The following IMPG2 variants were observed in gnomAD, a reference collection of about 807,000 sequenced individuals.
The protein encoded by IMPG2 is IPM 200.
IMPG2 carries 91 observed loss-of-function variants against 129.2 expected under a neutral mutation model. That is an observed-to-expected ratio of 0.70 (90% CI 0.59 to 0.84). The LOEUF (loss-of-function observed/expected upper bound fraction) is 0.84. Ranked by LOEUF, IMPG2 falls within the 40% of genes least tolerant of loss-of-function variation. The pLI is 0.00. For missense variants in IMPG2, 1,430 were observed against 1,461.7 expected, an observed-to-expected ratio of 0.98 and a Z score of 0.35; for synonymous variants, 510 against 517.7, an observed-to-expected ratio of 0.99 and a Z score of 0.20.
chr3:101,226,834 T>G lies in IMPG2; in HGVS notation c.*135A>C, dbSNP rs1202320752. On this transcript the variant is annotated 3_prime_UTR_variant, in exon 19 of 19. Transcript: ENST00000193391. Reference sequence around the variant, plus strand: ...AACTTAAGCTGAAAAAAAAACAGTGTGCCCTATATTTAATTTTTTCATAGA... The same window carrying G: ...AACTTAAGCTGAAAAAAAAACAGTGGGCCCTATATTTAATTTTTTCATAGA... 1.7e-5 allele frequency: 14 copies of G among 840,084 alleles called. No homozygotes were observed. Among genetic ancestry groups the G allele is most frequent in the Non-Finnish European group, 2.7e-5 (14 of 515,988 alleles). 52.0% of individuals were successfully genotyped at this position (840,084 alleles called of 1,614,324 possible). A position where few individuals can be genotyped will look rare whatever the true frequency, so the allele number is the denominator to read the frequency against.
intron 10 of IMPG2, among the ~76,000 whole-genome samples, chr3:101,257,018 C>G (rs566720362): frequency 5.3e-4 from 80 of 152,154 alleles, no homozygotes; most frequent in Middle Eastern, 3.4e-3. Context: ...TGGATCATAA[C>G]AGGATCTCCA....
chr3:101,263,661 A>G (rs575081748), intron 9 of IMPG2, among the ~76,000 whole-genome samples: 1 of 151,966 alleles, frequency 6.6e-6, no homozygotes, highest in Non-Finnish European at 1.5e-5. Flanking sequence ...AGCAAAAACA[A>G]ACCAAACCAA....
intron 11 of IMPG2, among the ~76,000 whole-genome samples, chr3:101,248,408 T>C (rs1288052832): frequency 1.3e-5 from 2 of 152,190 alleles, no homozygotes; most frequent in African/African-American, 4.8e-5. Flanking sequence ...ACCTCTTTCT[T>C]TTGTAAATTG....
intron 10 of IMPG2, among the ~76,000 whole-genome samples, chr3:101,256,843 A>C (rs1706616046): frequency 6.6e-6 from 1 of 152,128 alleles, no homozygotes; most frequent in Admixed American, 6.6e-5. Flanking sequence ...GCAAAGTAGC[A>C]AGTGAGTTAG....
intron 7 of IMPG2, among the ~76,000 whole-genome samples, chr3:101,270,722 C>T (rs1304103962): frequency 6.6e-6 from 1 of 152,028 alleles, no homozygotes; most frequent in Non-Finnish European, 1.5e-5. Context: ...ATGGCGTGAA[C>T]CCGGGAGGCG....
intron 4 of IMPG2, among the ~76,000 whole-genome samples, chr3:101,279,468 G>T (rs1255418638): frequency 6.6e-6 from 1 of 152,160 alleles, no homozygotes; most frequent in African/African-American, 2.4e-5. Context: ...CTTTAGAAGG[G>T]TTTCACTTGG....
At chr3:101,300,326 G>T (rs1707126699) in intron 3 of IMPG2, among the ~76,000 whole-genome samples, 1 of 152,236 alleles carries the variant, frequency 6.6e-6, no homozygotes, top group Admixed American at 6.5e-5. Flanking sequence ...AGCTTAGTGT[G>T]TTAGGCAGCT....
chr3:101,319,454 C>G lies in IMPG2; in HGVS notation c.334+130G>C, dbSNP rs922374890. The G allele has an allele frequency of 3.7e-6, 4 of 1,072,382 alleles. No homozygotes were observed. In the African/African-American group the frequency reaches 4.7e-5, roughly 13 times the overall value. The allele number at this position is 1,072,382 out of a possible 1,614,324, so 66.4% of individuals were successfully genotyped here. On this transcript the variant is annotated intron_variant, in intron 2 of 18. Coordinates refer to ENST00000193391, the MANE Select transcript of IMPG2 (RefSeq NM_016247.4). ...GTTACCATTAACACTATATTCTTAG[C>G]AGTAGAAAGGTAGTTTTGGCTCAGT...
intron 7 of IMPG2, among the ~76,000 whole-genome samples, chr3:101,271,412 G>C (rs1706782054): frequency 6.6e-6 from 1 of 152,176 alleles, no homozygotes; most frequent in African/African-American, 2.4e-5. Context: ...GTTGCATGAA[G>C]TCATTCGACT....
At chr3:101,269,788 T>A (rs1706760480) in intron 7 of IMPG2, among the ~76,000 whole-genome samples, 1 of 152,066 alleles carries the variant, frequency 6.6e-6, no homozygotes. Flanking sequence ...AAGGTTTCAA[T>A]GTGCTTTAAT....
intron 9 of IMPG2, among the ~76,000 whole-genome samples, chr3:101,263,957 C>T (rs1483024023): frequency 6.6e-6 from 1 of 150,986 alleles, no homozygotes; most frequent in Non-Finnish European, 1.5e-5. Flanking sequence ...TTAGAGACTA[C>T]TATGAATAAC....
intron 4 of IMPG2, among the ~76,000 whole-genome samples, chr3:101,280,255 T>G (rs1326219448): frequency 6.6e-6 from 1 of 152,210 alleles, no homozygotes; most frequent in Non-Finnish European, 1.5e-5. Flanking sequence ...TTAAAGACAT[T>G]GTAAAACAAG....
At chr3:101,305,039 T>C (rs1263746107) in intron 2 of IMPG2, among the ~76,000 whole-genome samples, 1 of 152,134 alleles carries the variant, frequency 6.6e-6, no homozygotes, top group Non-Finnish European at 1.5e-5. Flanking sequence ...CACAAAAACC[T>C]GCATACGGGT....
At chr3:101,306,293 C>CA (rs1038254170) in intron 2 of IMPG2, among the ~76,000 whole-genome samples, 12 of 151,968 alleles carry the variant, frequency 7.9e-5, no homozygotes, top group Non-Finnish European at 1.2e-4. Context: ...TAGTCTAAGC[C>CA]AAAAAAATTC....
At chr3:101,236,992 C>T (rs1210099058) in intron 14 of IMPG2, among the ~76,000 whole-genome samples, 2 of 152,162 alleles carry the variant, frequency 1.3e-5, no homozygotes, top group Non-Finnish European at 2.9e-5. Flanking sequence ...GCCAGCACAG[C>T]AGCCTGAAGT....
intron 3 of IMPG2, among the ~76,000 whole-genome samples, chr3:101,295,497 G>A (rs1707070147): frequency 6.6e-6 from 1 of 152,166 alleles, no homozygotes; most frequent in Admixed American, 6.5e-5. Context: ...AGTCTAGTTT[G>A]AAGTCAGGTA....
At chr3:101,311,499 A>C (rs573580341) in intron 2 of IMPG2, among the ~76,000 whole-genome samples, 32 of 152,198 alleles carry the variant, frequency 2.1e-4, no homozygotes, top group Non-Finnish European at 4.3e-4. Context: ...AATGCTTAGG[A>C]ATAAACCTAA....
chr3:101,228,907 A>G (rs373202490), intron 17 of IMPG2, 31 bp from the exon 18 acceptor site: 5 of 1,518,376 alleles, frequency 3.3e-6, no homozygotes, highest in East Asian at 4.5e-5. Flanking sequence ...TAGGCCACAC[A>G]TTGCATTAGA....
In IMPG2 at chr3:101,257,687, T is replaced by C; in HGVS notation, c.995A>G (p.Lys332Arg). The change falls in exon 10 of 19, where the codon AAG (lysine) becomes AGG (arginine). Residue 332 changes from lysine (K) to arginine (R), a missense_variant. Physicochemically the swap from Lys to Arg is conservative, Grantham distance 26. Transcript: ENST00000193391. Reference protein sequence around the residue: ...TWDLISLHSNKVENHGLVELD... With the variant: ...TWDLISLHSNRVENHGLVELD... ...TTCCACAAGGCCATGGTTTTCCACC[T>C]TGTTGGAGTGAAGGCTAATGAGGTC... 6.2e-7 allele frequency: 1 copy of C among 1,613,484 alleles called. No individual in the cohort carries two copies. The highest frequency in any genetic ancestry group is 8.5e-7 in the Non-Finnish European group (1 of 1,179,604).
Sources: gnomAD v4.1 joint callset for allele counts (sites outside exome capture counted in the v4.1 genomes callset) on GRCh38, gnomAD v4.1.1 for gene constraint, MANE v1.5 for transcripts, NCBI Gene and HGNC (gene_info 2026-07-23, HGNC 2026-07-21) for gene names.